The following EEF2KMT variants were observed in gnomAD, a reference collection of about 807,000 sequenced individuals.
EEF2KMT encodes the protein eukaryotic elongation factor 2 lysine methyltransferase.
Under a neutral mutation model 35.1 loss-of-function variants are expected in EEF2KMT, and 30 were observed. The ratio of observed to expected loss-of-function variants is 0.85; its 90% CI spans 0.64 to 1.16. EEF2KMT has a LOEUF of 1.16. Ranked by LOEUF, EEF2KMT falls within the 50% of genes most tolerant of loss-of-function variation. The pLI, the probability that EEF2KMT is intolerant of heterozygous loss-of-function variation, is 0.00. For synonymous variants in EEF2KMT, 190 were observed against 187.7 expected (o/e 1.01, Z -0.10); for missense variants, 499 against 438.2 (o/e 1.14, Z -1.24).
Position 5,085,593 on chromosome 16 carries a change from A to G in EEF2KMT, c.*39T>C. On this transcript the variant is annotated 3_prime_UTR_variant, in exon 8 of 8. Coordinates refer to ENST00000427587, the MANE Select transcript of EEF2KMT (RefSeq NM_201400.4). ...TATAAAAATTCTTCCCATGAGAGTGACTTGATTCTCACAATCCCGTTGGAG... is the reference window on the plus strand; with the variant it reads ...TATAAAAATTCTTCCCATGAGAGTGGCTTGATTCTCACAATCCCGTTGGAG... 1 of 1,385,774 alleles carries G rather than the reference A, an allele frequency of 7.2e-7. No homozygotes were observed. The highest frequency in any genetic ancestry group is 1.0e-6 in the Non-Finnish European group (1 of 973,478). 85.8% of individuals were successfully genotyped at this position (1,385,774 alleles called of 1,614,324 possible).
chr16:5,088,506 C>CCGGGG (rs1957264321), intron 7 of EEF2KMT, among the ~76,000 whole-genome samples: 1 of 152,014 alleles, frequency 6.6e-6, no homozygotes, highest in Non-Finnish European at 1.5e-5. Flanking sequence ...AGCCAGGTGG[C>CCGGGG]TGGGGTGCAG....
rs1380106704 is a variant in EEF2KMT, at chr16:5,085,043, G to C, written c.*589C>G. On this transcript the variant is annotated 3_prime_UTR_variant, in exon 8 of 8. Transcript: ENST00000427587. ...TAAAAGAATTGGTTCTGTGACCCGG[G>C]AAGCTTTGGTTGGCCTTGATTTCTT... 8 of 1,369,800 alleles carry C rather than the reference G, an allele frequency of 5.8e-6. No individual in the cohort carries two copies. The Admixed American group carries it at 1.2e-4, about 21-fold the overall frequency. 84.9% of individuals were successfully genotyped at this position (1,369,800 alleles called of 1,614,324 possible).
rs528744156 is a variant in EEF2KMT, at chr16:5,090,423, C to T, written c.476+9G>A. The T allele has an allele frequency of 2.4e-5, 39 of 1,611,870 alleles. No homozygotes were observed. Among genetic ancestry groups the T allele is most frequent in the African/African-American group, 6.7e-5 (5 of 74,824 alleles). On this transcript the variant is annotated intron_variant, in intron 5 of 7. Transcript: ENST00000427587. The surrounding 1 kb of genome is among the most constrained non-coding windows in gnomAD (Gnocchi z 4.1). ...TGCCTCGGTGCCCTGCCCTGCGCCC[C>T]GAGGTCACCTGTTAGTGAAGACTGC...
In EEF2KMT at chr16:5,090,100, A is replaced by G. The variant is rs1266158767; in HGVS notation, c.726T>C (p.Asp242=). ...GGGCATTACCTGCTGCAATGACAAC[A>G]TCTGGCTGGAAGGCAGAGAGCTGAT... ...TVHQLSAFQP[D]VVIAADVLYC... is the part of the protein sequence containing the mutation. The change falls in exon 6 of 8, where the codon GAT becomes GAC. Residue 242 remains aspartate (D), a synonymous_variant. Transcript: ENST00000427587. This position sits in a 1 kb window ranked among gnomAD's most constrained non-coding sequence, Gnocchi z 4.1. 2 of 1,606,396 alleles carry G rather than the reference A, an allele frequency of 1.2e-6. No individual in the cohort carries two copies. The highest frequency in any genetic ancestry group is 2.2e-5 in the East Asian group (1 of 44,874).
In EEF2KMT at chr16:5,090,386, C is replaced by T. The variant is rs1235598401; in HGVS notation, c.477-37G>A. 3 of 1,611,872 alleles carry T rather than the reference C, an allele frequency of 1.9e-6. No individual in the cohort carries two copies. The highest frequency in any genetic ancestry group is 1.3e-5 in the African/African-American group (1 of 74,846). ...AAAGGGGACCGTGTCTGCGACTGCA[C>T]CAGGGTAAGCCTGCCTCGGTGCCCT... On this transcript the variant is annotated intron_variant, in intron 5 of 7. Transcript: ENST00000427587. The surrounding 1 kb of genome is among the most constrained non-coding windows in gnomAD (Gnocchi z 4.1).
rs1164633620 is a variant in EEF2KMT, at chr16:5,085,120, GC to G, written c.*511del. ...TCTTCTTCTGTTCTTCACGCCCCAT[GC>G]CCCTGCTAGCGTATTACTGTTCTGT... On this transcript the variant is annotated 3_prime_UTR_variant, in exon 8 of 8. Coordinates refer to ENST00000427587, the MANE Select transcript of EEF2KMT (RefSeq NM_201400.4). 8.7e-6 allele frequency: 6 copies of G among 689,506 alleles called. No homozygotes were observed. The highest frequency in any genetic ancestry group is 1.4e-5 in the Non-Finnish European group (6 of 416,346). 42.7% of individuals were successfully genotyped at this position (689,506 alleles called of 1,614,324 possible).
chr16:5,090,372 T>C lies in EEF2KMT; in HGVS notation c.477-23A>G, dbSNP rs1483587426. The C allele has an allele frequency of 4.3e-6, 7 of 1,612,042 alleles. No homozygotes were observed. The highest frequency in any genetic ancestry group is 5.9e-6 in the Non-Finnish European group (7 of 1,179,848). ...GTCCTGGCGGGAGGAAAGGGGACCG[T>C]GTCTGCGACTGCACCAGGGTAAGCC... On this transcript the variant is annotated intron_variant, in intron 5 of 7. Transcript: ENST00000427587. This position sits in a 1 kb window ranked among gnomAD's most constrained non-coding sequence, Gnocchi z 4.1.
chr16:5,095,632 G>C, intron 1 of EEF2KMT, 118 bp from the exon 2 acceptor site: 1 of 1,510,626 alleles, frequency 6.6e-7, no homozygotes, highest in Non-Finnish European at 9.1e-7. Context: ...GAGCCAGTTG[G>C]AAGTGGAAGC....
At chr16:5,091,180 G>C (rs555658178) in intron 4 of EEF2KMT, among the ~76,000 whole-genome samples, 77 of 152,186 alleles carry the variant, frequency 5.1e-4, no homozygotes, top group Admixed American at 4.6e-3. Flanking sequence ...CTCCTGGGTT[G>C]AAGAGATTCT....
rs1957423456 is a variant in EEF2KMT, at chr16:5,094,985, G to T, written c.159+467C>A. Among the ~76,000 whole-genome samples, 4 of 152,316 alleles carry T rather than the reference G, an allele frequency of 2.6e-5. No homozygotes were observed. In the South Asian group the frequency reaches 8.3e-4, roughly 32 times the overall value. Reference sequence around the variant, plus strand: ...AAGGCCAAGGTCAGGCTGTGGCTGGGCCGGGTGGTGATCCTGCCTCTCACC... The same window carrying T: ...AAGGCCAAGGTCAGGCTGTGGCTGGTCCGGGTGGTGATCCTGCCTCTCACC... On this transcript the variant is annotated intron_variant, in intron 2 of 7. Transcript: ENST00000427587.
Position 5,085,006 on chromosome 16 carries a change from G to A in EEF2KMT, c.*626C>T, listed in dbSNP as rs1047653. 1 of 1,516,644 alleles carries A rather than the reference G, an allele frequency of 6.6e-7. No homozygotes were observed. The highest frequency in any genetic ancestry group is 9.0e-7 in the Non-Finnish European group (1 of 1,112,836). The allele number at this position is 1,516,644 out of a possible 1,614,324, so 93.9% of individuals were successfully genotyped here. ...GGCCAGAAGCTGAAATGACAGCAGT[G>A]GTACTGCCTGGTAAAAGAATTGGTT... On this transcript the variant is annotated 3_prime_UTR_variant, in exon 8 of 8. Transcript: ENST00000427587.
intron 2 of EEF2KMT, among the ~76,000 whole-genome samples, chr16:5,093,875 AG>A (rs1292537721): frequency 7.9e-5 from 12 of 152,244 alleles, no homozygotes; most frequent in African/African-American, 2.9e-4. Flanking sequence ...GTTTGCAGTA[AG>A]GACAGTCGCC....
At chr16:5,093,419 C>A in intron 3 of EEF2KMT, 65 bp downstream of exon 3, 1 of 1,609,116 alleles carries the variant, frequency 6.2e-7, no homozygotes, top group Non-Finnish European at 8.5e-7. Flanking sequence ...CTGGGAAGGA[C>A]GGGGGCTCCA....
rs1957108999 is a variant in EEF2KMT, at chr16:5,085,097, T to C, written c.*535A>G. 2.5e-6 allele frequency: 2 copies of C among 796,248 alleles called. No individual in the cohort carries two copies. The highest frequency in any genetic ancestry group is 3.9e-6 in the Non-Finnish European group (2 of 507,044). The allele number at this position is 796,248 out of a possible 1,614,324, so 49.3% of individuals were successfully genotyped here. A position where few individuals can be genotyped will look rare whatever the true frequency, so the allele number is the denominator to read the frequency against. On this transcript the variant is annotated 3_prime_UTR_variant, in exon 8 of 8. Coordinates refer to ENST00000427587, the MANE Select transcript of EEF2KMT (RefSeq NM_201400.4). ...TGGAGGCTTGGAAACGCTTCCTCTC[T>C]TCTTCTGTTCTTCACGCCCCATGCC...
In EEF2KMT at chr16:5,084,638, G is replaced by C; in HGVS notation, c.*994C>G. 6.7e-7 allele frequency: 1 copy of C among 1,502,160 alleles called. No individual in the cohort carries two copies. The highest frequency in any genetic ancestry group is 9.1e-7 in the Non-Finnish European group (1 of 1,102,334). 93.1% of individuals were successfully genotyped at this position (1,502,160 alleles called of 1,614,324 possible). On this transcript the variant is annotated 3_prime_UTR_variant, in exon 8 of 8. Transcript: ENST00000427587. The stretch of plus-strand genomic sequence containing the variant: ...GTCTCGAGTCCAAGTGAGGGAGTTA[G>C]GGACTTGGGAGGGGTTGTTGTTGGG...
At chr16:5,086,173 A>G (rs1488759990) in intron 7 of EEF2KMT, among the ~76,000 whole-genome samples, 7 of 152,074 alleles carry the variant, frequency 4.6e-5, no homozygotes, top group African/African-American at 7.2e-5. Flanking sequence ...CCATCTCTAC[A>G]AAAATACAGA....
intron 2 of EEF2KMT, among the ~76,000 whole-genome samples, chr16:5,094,955 C>A (rs1957422496): frequency 6.6e-6 from 1 of 152,142 alleles, no homozygotes; most frequent in Non-Finnish European, 1.5e-5. Flanking sequence ...CTGCACTTGG[C>A]CCTCAAGGCC....
Position 5,085,051 on chromosome 16 carries a change from G to C in EEF2KMT, c.*581C>G. On this transcript the variant is annotated 3_prime_UTR_variant, in exon 8 of 8. Coordinates refer to ENST00000427587, the MANE Select transcript of EEF2KMT (RefSeq NM_201400.4). The stretch of plus-strand genomic sequence containing the variant: ...TTGGTTCTGTGACCCGGGAAGCTTT[G>C]GTTGGCCTTGATTTCTTCTCTGGAG... The C allele has an allele frequency of 7.8e-7, 1 of 1,276,320 alleles. No individual in the cohort carries two copies. The highest frequency in any genetic ancestry group is 1.1e-6 in the Non-Finnish European group (1 of 921,428). 79.1% of individuals were successfully genotyped at this position (1,276,320 alleles called of 1,614,324 possible). A position where few individuals can be genotyped will look rare whatever the true frequency, so the allele number is the denominator to read the frequency against.
At chr16:5,088,574 G>C (rs1345819294) in intron 7 of EEF2KMT, among the ~76,000 whole-genome samples, 1 of 152,152 alleles carries the variant, frequency 6.6e-6, no homozygotes, top group East Asian at 1.9e-4. Flanking sequence ...TTGTTGGTGA[G>C]ATGGGACAGT....
Sources: gnomAD v4.1 joint callset for allele counts (sites outside exome capture counted in the v4.1 genomes callset) on GRCh38, gnomAD v4.1.1 for gene constraint, Gnocchi (gnomAD v3.1) non-coding constraint, MANE v1.5 for transcripts, NCBI Gene and HGNC (gene_info 2026-07-23, HGNC 2026-07-21) for gene names.